Variants in KAZN observed in about 807,000 individuals in gnomAD.
KAZN encodes the protein kazrin, periplakin interacting protein, also known as kazrin.
KAZN carries 40 observed loss-of-function variants against 87.4 expected under a neutral mutation model. The ratio of observed to expected loss-of-function variants is 0.46; its 90% CI spans 0.36 to 0.60. The LOEUF (loss-of-function observed/expected upper bound fraction) is 0.60. Among genes scored for constraint, KAZN ranks in the 20% least tolerant of loss-of-function variants. KAZN has a pLI of 0.00. For synonymous variants in KAZN, 466 were observed against 458.3 expected (o/e 1.02, Z -0.22); for missense variants, 898 against 1,073.9 (o/e 0.84, Z 2.29).
rs542753307 is a variant in KAZN, at chr1:15,077,003, C to T, written c.1222+11250C>T. The stretch of plus-strand genomic sequence containing the variant: ...GATAGGCGGGTCAGTGACGTGGCCA[C>T]GTGGGGCCAGCACGTGCTGTAGCAA... On this transcript the variant is annotated intron_variant, in intron 8 of 14. Transcript: ENST00000376030. The surrounding 1 kb of genome is among the most constrained non-coding windows in gnomAD (Gnocchi z 4.8). 2.0e-4 allele frequency among the ~76,000 whole-genome samples: 30 copies of T among 152,296 alleles called. No homozygotes were observed. Among genetic ancestry groups the T allele is most frequent in the African/African-American group, 6.3e-4 (26 of 41,570 alleles).
intron 2 of KAZN, among the ~76,000 whole-genome samples, chr1:14,208,824 C>T (rs531068891): frequency 3.9e-5 from 6 of 152,264 alleles, no homozygotes; most frequent in East Asian, 1.9e-4. Context: ...GGTTGAGTCA[C>T]GGCCTATGGT....
chr1:14,502,701 G>C (rs1216107872), intron 2 of KAZN, among the ~76,000 whole-genome samples: 1 of 152,194 alleles, frequency 6.6e-6, no homozygotes, highest in Non-Finnish European at 1.5e-5. Context: ...TATGTCCTGA[G>C]CACTGTGTGA....
At position 14,599,200 on chromosome 1, in the gene KAZN, A is replaced by G; in HGVS notation, c.203A>G (p.Glu68Gly). ...AAGDSAATNM[E>G]NPQLGAQVLL... is the part of the protein sequence containing the mutation. ...GGGGACTCGGCGGCGACGAACATGG[A>G]GAACCCCCAGCTTGGAGCGCAAGGT... Residue 68 changes from glutamate (E) to glycine (G), a missense_variant, in exon 1 of 15, where the codon GAG becomes GGG. Coordinates refer to ENST00000376030, the MANE Select transcript of KAZN (RefSeq NM_201628.3). The surrounding 1 kb of genome is among the most constrained non-coding windows in gnomAD (Gnocchi z 4.4). 7.1e-7 allele frequency: 1 copy of G among 1,404,754 alleles called. No individual in the cohort carries two copies. The highest frequency in any genetic ancestry group is 9.2e-7 in the Non-Finnish European group (1 of 1,081,470). The allele number at this position is 1,404,754 out of a possible 1,614,324, so 87.0% of individuals were successfully genotyped here. A position where few individuals can be genotyped will look rare whatever the true frequency, so the allele number is the denominator to read the frequency against.
At chr1:14,081,097 A>G (rs1407818864) in intron 1 of KAZN, among the ~76,000 whole-genome samples, 40 of 150,070 alleles carry the variant, frequency 2.7e-4, no homozygotes, top group Non-Finnish European at 3.0e-5. Flanking sequence ...ATGGACACAC[A>G]TGGTGTTGGT....
intron 2 of KAZN, among the ~76,000 whole-genome samples, chr1:14,371,759 G>A (rs551097600): frequency 3.3e-5 from 5 of 152,222 alleles, no homozygotes; most frequent in Non-Finnish European, 5.9e-5. Context: ...CTAGAGACAC[G>A]GATCTTGCCC....
At chr1:14,727,887 G>A (rs1449477247) in intron 1 of KAZN, among the ~76,000 whole-genome samples, 3 of 152,054 alleles carry the variant, frequency 2.0e-5, no homozygotes, top group African/African-American at 7.2e-5. Context: ...TCATCGAGTG[G>A]TGATGGGAGA....
At chr1:14,462,226 G>GT (rs1484108167) in intron 2 of KAZN, among the ~76,000 whole-genome samples, 1 of 151,828 alleles carries the variant, frequency 6.6e-6, no homozygotes, top group Non-Finnish European at 1.5e-5. Context: ...GGTTTCTCTT[G>GT]TTTTTTCACC....
At chr1:14,730,313 A>G (rs1341521790) in intron 1 of KAZN, among the ~76,000 whole-genome samples, 2 of 151,984 alleles carry the variant, frequency 1.3e-5, no homozygotes, top group Non-Finnish European at 2.9e-5. Context: ...CGAACTCCTG[A>G]CCTTGTAATC....
chr1:14,336,889 A>G (rs549530015), intron 2 of KAZN, among the ~76,000 whole-genome samples: 1 of 152,146 alleles, frequency 6.6e-6, no homozygotes, highest in Non-Finnish European at 1.5e-5. Flanking sequence ...CTCATTCTGT[A>G]AGTTATCTTT....
At chr1:14,800,997 C>T (rs1006409639) in intron 1 of KAZN, among the ~76,000 whole-genome samples, 1 of 150,312 alleles carries the variant, frequency 6.7e-6, no homozygotes, top group African/African-American at 2.5e-5. Context: ...CTAAAAAACA[C>T]TGAATTGTAC....
chr1:14,200,987 C>T (rs1646627789), intron 2 of KAZN, among the ~76,000 whole-genome samples: 1 of 152,212 alleles, frequency 6.6e-6, no homozygotes, highest in South Asian at 2.1e-4. Flanking sequence ...GTTCCCAACA[C>T]ACCTGTGCTT....
chr1:13,986,386 CAA>C (rs1352498213), intron 1 of KAZN, among the ~76,000 whole-genome samples: 2 of 152,030 alleles, frequency 1.3e-5, no homozygotes, highest in African/African-American at 4.8e-5. Flanking sequence ...CTGCAGTGAA[CAA>C]GTGTTGCTTA....
chr1:14,405,647 T>TGTGTG (rs747253895), intron 2 of KAZN, among the ~76,000 whole-genome samples: 10 of 150,094 alleles, frequency 6.7e-5, no homozygotes, highest in African/African-American at 1.2e-4. Context: ...TGTGTGTGTG[T>TGTGTG]TTATACAGAG....
intron 2 of KAZN, among the ~76,000 whole-genome samples, chr1:15,024,847 A>C (rs1420542951): frequency 2.0e-5 from 3 of 152,212 alleles, no homozygotes; most frequent in African/African-American, 7.2e-5. Context: ...AGCCCAAGGC[A>C]GCTTAATAAG....
chr1:14,779,302 T>G (rs965730976), intron 1 of KAZN, among the ~76,000 whole-genome samples: 11 of 152,134 alleles, frequency 7.2e-5, no homozygotes, highest in Non-Finnish European at 1.3e-4. Context: ...AATTTATGAC[T>G]CCTACACATC....
intron 2 of KAZN, among the ~76,000 whole-genome samples, chr1:14,407,742 CACAA>C (rs138582401): frequency 0.24 from 36,770 of 151,784 alleles, 5,521 homozygotes; most frequent in Non-Finnish European, 0.34. Context: ...TGGACAAAAA[CACAA>C]ACAAAAACCA....
chr1:14,677,377 T>C (rs1401616081), intron 1 of KAZN, among the ~76,000 whole-genome samples: 2 of 152,164 alleles, frequency 1.3e-5, no homozygotes, highest in East Asian at 1.9e-4. Context: ...AAGACTCCCA[T>C]TGGAAAGGCA....
chr1:14,599,339 C>A lies in KAZN; in HGVS notation c.226+116C>A. Reference sequence around the variant, plus strand: ...GGGGCGAAATCGCTTTGCATTCTGGCTTGTAACCCTTTCCGCCCGGCGGTG... The same window carrying A: ...GGGGCGAAATCGCTTTGCATTCTGGATTGTAACCCTTTCCGCCCGGCGGTG... On this transcript the variant is annotated intron_variant, in intron 1 of 14. Coordinates refer to ENST00000376030, the MANE Select transcript of KAZN (RefSeq NM_201628.3). The surrounding 1 kb of genome is among the most constrained non-coding windows in gnomAD (Gnocchi z 4.4). 9.2e-7 allele frequency: 1 copy of A among 1,089,090 alleles called. No homozygotes were observed. Among genetic ancestry groups the A allele is most frequent in the Non-Finnish European group, 1.2e-6 (1 of 858,702 alleles). 67.5% of individuals were successfully genotyped at this position (1,089,090 alleles called of 1,614,324 possible). A position where few individuals can be genotyped will look rare whatever the true frequency, so the allele number is the denominator to read the frequency against.
At chr1:15,110,269 A>G (rs369173993) in intron 13 of KAZN, among the ~76,000 whole-genome samples, 10 of 75,644 alleles carry the variant, frequency 1.3e-4, no homozygotes, top group African/African-American at 5.1e-4. Flanking sequence ...TTGTGTGTGT[A>G]TATGTGTGTA....
Sources: gnomAD v4.1 joint callset for allele counts (sites outside exome capture counted in the v4.1 genomes callset) on GRCh38, gnomAD v4.1.1 for gene constraint, Gnocchi (gnomAD v3.1) non-coding constraint, MANE v1.5 for transcripts, NCBI Gene and HGNC (gene_info 2026-07-23, HGNC 2026-07-21) for gene names.